Variants in MAPK8IP3 observed in about 807,000 individuals in gnomAD.
MAPK8IP3 encodes the protein mitogen-activated protein kinase 8 interacting protein 3.
MAPK8IP3 carries 49 observed loss-of-function variants against 157.8 expected under a neutral mutation model. The ratio of observed to expected loss-of-function variants is 0.31; its 90% confidence interval spans 0.25 to 0.39. MAPK8IP3 has a LOEUF of 0.39. Among genes scored for constraint, MAPK8IP3 ranks in the 10% least tolerant of loss-of-function variants. The pLI, the probability that MAPK8IP3 is intolerant of heterozygous loss-of-function variation, is 1.00. For synonymous variants in MAPK8IP3, 897 were observed against 777.7 expected (o/e 1.15, Z -2.55); for missense variants, 1,478 against 1,889.4 (o/e 0.78, Z 4.04).
intron 8 of MAPK8IP3, among the ~76,000 whole-genome samples, chr16:1,753,731 G>A (rs974312887): frequency 2.6e-5 from 4 of 151,294 alleles, no homozygotes; most frequent in African/African-American, 4.9e-5. Context: ...GTGAGCCACC[G>A]TGCCCAGCCC....
At chr16:1,730,462 G>A (rs2039230628) in intron 4 of MAPK8IP3, among the ~76,000 whole-genome samples, 7 of 151,270 alleles carry the variant, frequency 4.6e-5, no homozygotes, top group East Asian at 1.9e-4. Context: ...AAATTAAGCC[G>A]GGCTCAGTGG....
intron 5 of MAPK8IP3, chr16:1,746,746 C>T (rs2040985361): frequency 2.1e-6 from 1 of 466,952 alleles, no homozygotes; most frequent in Non-Finnish European, 3.9e-6. Context: ...TACAAGCAAT[C>T]GTCTGGGGAG....
At chr16:1,764,948 G>A in intron 19 of MAPK8IP3, 65 bp from the exon 20 acceptor site, 1 of 1,509,634 alleles carries the variant, frequency 6.6e-7, no homozygotes, top group East Asian at 2.3e-5. Flanking sequence ...GAGCCCCATG[G>A]CCCTGTGCTG....
intron 4 of MAPK8IP3, among the ~76,000 whole-genome samples, chr16:1,738,275 T>TGA (rs775921473): frequency 2.6e-5 from 2 of 76,040 alleles, no homozygotes; most frequent in Non-Finnish European, 4.9e-5. Flanking sequence ...ACCGTCCGTG[T>TGA]GAGTGTGACC....
intron 1 of MAPK8IP3, among the ~76,000 whole-genome samples, chr16:1,712,048 G>GTT (rs2037815585): frequency 1.7e-5 from 2 of 115,854 alleles, no homozygotes; most frequent in African/African-American, 6.8e-5. Context: ...GGCCTCAGGA[G>GTT]TTCTTTTTTT....
chr16:1,744,013 A>G, intron 5 of MAPK8IP3: 1 of 992,544 alleles, frequency 1.0e-6, no homozygotes, highest in Non-Finnish European at 1.2e-6. Flanking sequence ...AGTTTGAGAA[A>G]GCAGAGCCTC....
chr16:1,732,267 C>A (rs987889233), intron 4 of MAPK8IP3, among the ~76,000 whole-genome samples: 5 of 152,204 alleles, frequency 3.3e-5, no homozygotes, highest in African/African-American at 1.2e-4. Flanking sequence ...GCCCCCAAGC[C>A]TCCCACAGCC....
chr16:1,766,837 G>T (rs78327152), intron 24 of MAPK8IP3, 34 bp downstream of exon 24: 1 of 1,612,262 alleles, frequency 6.2e-7, no homozygotes, highest in Non-Finnish European at 8.5e-7. Flanking sequence ...CGGGCGGCGC[G>T]GGGGAACGGG....
chr16:1,711,293 G>A (rs1334170111), intron 1 of MAPK8IP3, among the ~76,000 whole-genome samples: 2 of 152,306 alleles, frequency 1.3e-5, no homozygotes, highest in East Asian at 1.9e-4. Context: ...TGTGTTCTGC[G>A]GTGGCCCCTC....
chr16:1,762,563 G>A (rs757443775), intron 14 of MAPK8IP3, 82 bp downstream of exon 14: 54 of 1,579,208 alleles, frequency 3.4e-5, no homozygotes, highest in Non-Finnish European at 4.7e-5. Context: ...GCACCTCCCT[G>A]TCTTCTGGGG....
At chr16:1,760,233 T>C in intron 11 of MAPK8IP3, 147 bp from the exon 12 acceptor site, 1 of 1,113,632 alleles carries the variant, frequency 9.0e-7, no homozygotes, top group Non-Finnish European at 1.3e-6. Context: ...AGGGTTTAGC[T>C]AAGATGGGGA....
chr16:1,730,783 C>T (rs1247343874), intron 4 of MAPK8IP3, among the ~76,000 whole-genome samples: 3 of 149,250 alleles, frequency 2.0e-5, no homozygotes, highest in Non-Finnish European at 4.4e-5. Context: ...GCAGAGGTTG[C>T]AGTGAGCCAA....
rs1192600147 is a variant in MAPK8IP3 at position 1,738,940 on chromosome 16, G to A, written c.603-4392G>A. Among the ~76,000 whole-genome samples, 10 of 142,340 alleles carry A rather than the reference G, an allele frequency of 7.0e-5. No homozygotes were observed. The Admixed American group carries it at 7.2e-4, about 10-fold the overall frequency. 93.4% of individuals were successfully genotyped at this position (142,340 alleles called of 152,430 possible). ...CATGTGTGTGAGCGTCCGTGTGAGA[G>A]TGTGACCACCCATGTGAGCATCTGT... is the stretch of plus-strand genomic sequence containing the variant. On this transcript the variant is annotated intron_variant, in intron 4 of 31. Transcript: ENST00000610761.
At chr16:1,735,217 C>T (rs1004130238) in intron 4 of MAPK8IP3, among the ~76,000 whole-genome samples, 5 of 152,160 alleles carry the variant, frequency 3.3e-5, no homozygotes, top group South Asian at 4.1e-4. Context: ...ACATCCTGGC[C>T]GTCCGTGTGA....
At chr16:1,744,873 G>A (rs776083965) in intron 5 of MAPK8IP3, 1 of 960,606 alleles carries the variant, frequency 1.0e-6, no homozygotes, top group Admixed American at 6.2e-5. Context: ...TTACATTTAA[G>A]TTCTTTTTAT....
At chr16:1,767,065 T>A in intron 25 of MAPK8IP3, 84 bp from the exon 26 acceptor site, 1 of 1,583,878 alleles carries the variant, frequency 6.3e-7, no homozygotes, top group Non-Finnish European at 8.6e-7. Context: ...CTCTCCTTAG[T>A]CTGGCAGTGG....
intron 4 of MAPK8IP3, among the ~76,000 whole-genome samples, chr16:1,735,622 C>T (rs544344810): frequency 6.4e-4 from 86 of 134,650 alleles, no homozygotes; most frequent in Middle Eastern, 5.6e-3. Flanking sequence ...TCCGTGTGAG[C>T]ATCCGTGTGA....
rs1244342513 is a variant in MAPK8IP3 at position 1,706,423 on chromosome 16, G to C, written c.84G>C (p.Arg28=). The C allele has an allele frequency of 6.2e-7, 1 of 1,613,756 alleles. No individual in the cohort carries two copies. Residue 28 remains arginine, a synonymous_variant, in exon 1 of 32, where the codon CGG becomes CGC. Transcript: ENST00000610761. The surrounding 1 kb of genome is among the most constrained non-coding windows in gnomAD (Gnocchi z 5.1). The part of the protein sequence containing the change: ...DYCSGSVMSE[R]VSGLAGSIYR... Reference sequence around the variant, plus strand: ...GCTCCGGCTCGGTGATGTCGGAGCGGGTGTCGGGCCTGGCGGGCTCCATCT... The same window carrying C: ...GCTCCGGCTCGGTGATGTCGGAGCGCGTGTCGGGCCTGGCGGGCTCCATCT...
intron 2 of MAPK8IP3, 123 bp from the exon 3 acceptor site, chr16:1,729,015 G>A: frequency 2.3e-6 from 2 of 869,012 alleles, no homozygotes; most frequent in South Asian, 1.5e-5. Flanking sequence ...GCTGCTGCTG[G>A]TTGCCTCAGG....
Sources: allele counts gnomAD v4.1 joint callset (sites outside exome capture counted in the v4.1 genomes callset), GRCh38; gene constraint gnomAD v4.1.1; non-coding constraint Gnocchi (gnomAD v3.1); transcripts MANE v1.5; gene names NCBI Gene and HGNC (gene_info 2026-07-23, HGNC 2026-07-21).